Variants in RAPGEF1 observed in about 807,000 individuals in gnomAD.
The protein encoded by RAPGEF1 is CRK SH3-binding GNRP.
Under a neutral mutation model 143.3 loss-of-function variants are expected in RAPGEF1, and 33 were observed. That is an observed-to-expected ratio of 0.23 (90% CI 0.17 to 0.31). The LOEUF is 0.31. RAPGEF1 is among the 10% of genes least tolerant of loss of function. The pLI is 1.00. For missense variants in RAPGEF1, 1,199 were observed against 1,645.4 expected (o/e 0.73, Z 4.69); for synonymous variants, 629 against 676.5 (o/e 0.93, Z 1.09).
intron 1 of RAPGEF1, among the ~76,000 whole-genome samples, chr9:131,679,787 C>A (rs1355393428): frequency 6.6e-6 from 1 of 152,168 alleles, no homozygotes; most frequent in Non-Finnish European, 1.5e-5. Flanking sequence ...GACTAAGGTC[C>A]CCAGCTTCTT....
intron 1 of RAPGEF1, among the ~76,000 whole-genome samples, chr9:131,704,096 T>C (rs1834868094): frequency 6.6e-6 from 1 of 152,078 alleles, no homozygotes; most frequent in South Asian, 2.1e-4. Context: ...CGCATTATTA[T>C]TAATCTCATT....
chr9:131,624,948 C>T lies in RAPGEF1; in HGVS notation c.1702+974G>A, dbSNP rs146446113. 1.7e-3 allele frequency among the ~76,000 whole-genome samples: 263 copies of T among 152,386 alleles called. 1 individual carries two copies. Among genetic ancestry groups the T allele is most frequent in the African/African-American group, 5.7e-3 (237 of 41,594 alleles). ...CGCAGCCGCCGCCTTCTGTGGACCA[C>T]GCAGCCAGCCCTCAGGGCGACCCTT... On this transcript the variant is annotated intron_variant, in intron 10 of 26. Coordinates refer to ENST00000683357, the MANE Select transcript of RAPGEF1 (RefSeq NM_001377935.1).
At chr9:131,682,668 TG>T (rs2130937313) in intron 1 of RAPGEF1, among the ~76,000 whole-genome samples, 1 of 152,206 alleles carries the variant, frequency 6.6e-6, no homozygotes, top group South Asian at 2.1e-4. Context: ...TTGTGCCGTA[TG>T]GGGGAATGGG....
intron 1 of RAPGEF1, among the ~76,000 whole-genome samples, chr9:131,687,774 C>G (rs916918022): frequency 2.6e-5 from 4 of 152,176 alleles, no homozygotes; most frequent in African/African-American, 4.8e-5. Flanking sequence ...CCACGCCACA[C>G]ATCCCAGGAT....
At chr9:131,664,273 A>C (rs1830072688) in intron 1 of RAPGEF1, among the ~76,000 whole-genome samples, 1 of 152,128 alleles carries the variant, frequency 6.6e-6, no homozygotes, top group African/African-American at 2.4e-5. Context: ...CATTTCTTTA[A>C]TGTACCCTAG....
intron 1 of RAPGEF1, among the ~76,000 whole-genome samples, chr9:131,659,223 A>G (rs1207228252): frequency 6.6e-6 from 1 of 152,200 alleles, no homozygotes; most frequent in Admixed American, 6.5e-5. Flanking sequence ...AGGATTTCCA[A>G]TTTTTTAAAA....
chr9:131,626,708 TA>T (rs2132990129), intron 9 of RAPGEF1, among the ~76,000 whole-genome samples: 1 of 152,104 alleles, frequency 6.6e-6, no homozygotes, highest in South Asian at 2.1e-4. Flanking sequence ...ATCAAGAAAA[TA>T]AAAATCACCC....
intron 1 of RAPGEF1, among the ~76,000 whole-genome samples, chr9:131,713,071 A>G (rs145934909): frequency 1.4e-3 from 216 of 152,328 alleles, no homozygotes; most frequent in Non-Finnish European, 2.4e-3. Flanking sequence ...CAGGGAGACA[A>G]CAGAAAATTT....
intron 1 of RAPGEF1, among the ~76,000 whole-genome samples, chr9:131,679,440 G>A (rs546311130): frequency 6.6e-6 from 1 of 152,328 alleles, no homozygotes; most frequent in East Asian, 1.9e-4. Context: ...TGGATTAGAA[G>A]CTCACCAAGG....
intron 1 of RAPGEF1, among the ~76,000 whole-genome samples, chr9:131,679,841 G>A (rs2130911920): frequency 6.6e-6 from 1 of 152,322 alleles, no homozygotes; most frequent in East Asian, 1.9e-4. Context: ...CTGCCACAGG[G>A]GCCTCTTCCT....
intron 12 of RAPGEF1, among the ~76,000 whole-genome samples, chr9:131,606,483 G>C (rs745964900): frequency 1.3e-5 from 2 of 152,182 alleles, no homozygotes; most frequent in African/African-American, 2.4e-5. Flanking sequence ...CAGAGGCAGG[G>C]ACGTGAGGAA....
chr9:131,709,720 A>C, intron 1 of RAPGEF1: 1 of 1,613,582 alleles, frequency 6.2e-7, no homozygotes, highest in Non-Finnish European at 8.5e-7. Context: ...TCCCAGCCCC[A>C]GCGTCTTTCC....
At chr9:131,679,918 G>A (rs558305401) in intron 1 of RAPGEF1, among the ~76,000 whole-genome samples, 1 of 152,210 alleles carries the variant, frequency 6.6e-6, no homozygotes, top group South Asian at 2.1e-4. Flanking sequence ...AGTGGGAAGC[G>A]AGTCACAGGC....
intron 3 of RAPGEF1, among the ~76,000 whole-genome samples, chr9:131,644,774 G>A (rs1476118470): frequency 6.6e-6 from 1 of 151,890 alleles, no homozygotes; most frequent in African/African-American, 2.4e-5. Context: ...GACCAGCCTG[G>A]GCAACATAGT....
intron 1 of RAPGEF1, among the ~76,000 whole-genome samples, chr9:131,677,228 G>A (rs1832484264): frequency 6.6e-6 from 1 of 152,234 alleles, no homozygotes; most frequent in African/African-American, 2.4e-5. Context: ...TGAGTAAGCA[G>A]CACAACTGTA....
chr9:131,658,079 T>C (rs1973012288), intron 1 of RAPGEF1, among the ~76,000 whole-genome samples: 1 of 152,234 alleles, frequency 6.6e-6, no homozygotes, highest in African/African-American at 2.4e-5. Context: ...CCAGCATTTT[T>C]GCTTTAATAA....
chr9:131,642,876 A>T (rs1408385528), intron 4 of RAPGEF1, among the ~76,000 whole-genome samples: 1 of 152,194 alleles, frequency 6.6e-6, no homozygotes, highest in Non-Finnish European at 1.5e-5. Context: ...CACCTGACAG[A>T]TAATGAAACT....
In RAPGEF1 at chr9:131,584,028, G is replaced by A. The variant is rs573535854; in HGVS notation, c.3414+283C>T. ...AGAAGAACGGGCTGAGGGCGGGCGG[G>A]GGAGGCGGGAACCCAGGGATGGGCC... On this transcript the variant is annotated intron_variant, in intron 24 of 26. Coordinates refer to ENST00000683357, the MANE Select transcript of RAPGEF1 (RefSeq NM_001377935.1). The surrounding 1 kb of genome is among the most constrained non-coding windows in gnomAD (Gnocchi z 6.8). 7.2e-5 allele frequency among the ~76,000 whole-genome samples: 11 copies of A among 152,358 alleles called. No individual in the cohort carries two copies. The highest frequency in any genetic ancestry group is 2.4e-4 in the African/African-American group (10 of 41,588).
At chr9:131,662,889 G>A (rs567444868) in intron 1 of RAPGEF1, among the ~76,000 whole-genome samples, 22 of 152,024 alleles carry the variant, frequency 1.4e-4, no homozygotes, top group African/African-American at 3.4e-4. Flanking sequence ...GGCTGGTCTC[G>A]AGCTCCTGGG....
Sources: gnomAD v4.1 joint callset for allele counts (sites outside exome capture counted in the v4.1 genomes callset) on GRCh38, gnomAD v4.1.1 for gene constraint, Gnocchi (gnomAD v3.1) non-coding constraint, MANE v1.5 for transcripts, NCBI Gene and HGNC (gene_info 2026-07-23, HGNC 2026-07-21) for gene names.